The following ASCC3 variants were observed in gnomAD, a reference collection of about 807,000 sequenced individuals.
ASCC3 encodes the protein ASC-1 complex subunit P200.
In ASCC3, 158 loss-of-function variants were observed where a neutral mutation model predicts 256.3. The ratio of observed to expected loss-of-function variants is 0.62; its 90% CI spans 0.54 to 0.70. The LOEUF (loss-of-function observed/expected upper bound fraction) is 0.70, where lower values mean the gene tolerates loss of function less well. Ranked by LOEUF, ASCC3 falls within the 30% of genes least tolerant of loss-of-function variation. The pLI is 0.00. For missense variants in ASCC3, 2,259 were observed against 2,626.0 expected, an observed-to-expected ratio of 0.86 and a Z score of 3.05; for synonymous variants, 948 against 883.4, an observed-to-expected ratio of 1.07 and a Z score of -1.30.
rs1294880863 is a variant in ASCC3, at chr6:100,848,600, G to C, written c.349C>G (p.Gln117Glu). ...GATGAAGGAAAGGGGCCAAACATCTGTTTGATAGCCTTTGTTTCCTTGTGA... is the reference window on the plus strand; with the variant it reads ...GATGAAGGAAAGGGGCCAAACATCTCTTTGATAGCCTTTGTTTCCTTGTGA... Reference protein sequence around the residue: ...VGHKETKAIKQMFGPFPSSSA... With the variant: ...VGHKETKAIKEMFGPFPSSSA... Residue 117 changes from glutamine (Q) to glutamate (E), a missense_variant, in exon 4 of 42, where the codon CAG becomes GAG. Physicochemically the swap from Gln to Glu is conservative, Grantham distance 29 (BLOSUM62 2). Around this residue, in one of 2 missense-constraint regions of ASCC3, gnomAD observed 420 missense variants for 419.3 expected, o/e 1.00. Transcript: ENST00000369162. 1 of 1,614,132 alleles carries C rather than the reference G, an allele frequency of 6.2e-7. No homozygotes were observed. Among genetic ancestry groups the C allele is most frequent in the East Asian group, 2.2e-5 (1 of 44,868 alleles).
chr6:100,686,414 T>G (rs1033952427), intron 13 of ASCC3, among the ~76,000 whole-genome samples: 2 of 152,164 alleles, frequency 1.3e-5, no homozygotes, highest in African/African-American at 4.8e-5. Context: ...CCTTTGAGAG[T>G]TTATGCACAT....
At chr6:100,786,833 C>G (rs1187865383) in intron 8 of ASCC3, among the ~76,000 whole-genome samples, 1 of 152,138 alleles carries the variant, frequency 6.6e-6, no homozygotes, top group Non-Finnish European at 1.5e-5. Context: ...CAGAGGCATA[C>G]TTATACATAC....
intron 8 of ASCC3, among the ~76,000 whole-genome samples, chr6:100,772,037 G>C (rs1044836271): frequency 6.6e-6 from 1 of 151,748 alleles, no homozygotes; most frequent in Non-Finnish European, 1.5e-5. Context: ...CAGCCACCAG[G>C]CATGGCTAAT....
chr6:100,772,175 C>G (rs970994312), intron 8 of ASCC3, among the ~76,000 whole-genome samples: 1 of 152,148 alleles, frequency 6.6e-6, no homozygotes, highest in South Asian at 2.1e-4. Context: ...GCCACCGCAC[C>G]TAGCCCAATC....
chr6:100,828,605 C>T, intron 4 of ASCC3, among the ~76,000 whole-genome samples: 1 of 152,254 alleles, frequency 6.6e-6, no homozygotes, highest in South Asian at 2.1e-4. Flanking sequence ...TGTGGTCTCA[C>T]TGGCTCAGGA....
intron 5 of ASCC3, among the ~76,000 whole-genome samples, chr6:100,804,581 C>T (rs1284935446): frequency 6.6e-6 from 1 of 151,930 alleles, no homozygotes; most frequent in Admixed American, 6.6e-5. Flanking sequence ...AAACAAATAA[C>T]CACATTAAAA....
intron 36 of ASCC3, among the ~76,000 whole-genome samples, chr6:100,578,637 T>C (rs1215621218): frequency 6.6e-6 from 1 of 152,148 alleles, no homozygotes; most frequent in Non-Finnish European, 1.5e-5. Flanking sequence ...ATGGTGTATA[T>C]GTACCACATT....
intron 36 of ASCC3, among the ~76,000 whole-genome samples, chr6:100,545,357 T>C (rs890119330): frequency 6.6e-6 from 1 of 152,164 alleles, no homozygotes; most frequent in Non-Finnish European, 1.5e-5. Flanking sequence ...TTTTCATTTT[T>C]AGTAGAGACG....
intron 4 of ASCC3, among the ~76,000 whole-genome samples, chr6:100,815,905 G>A (rs1382947861): frequency 6.6e-6 from 1 of 152,030 alleles, no homozygotes; most frequent in Non-Finnish European, 1.5e-5. Context: ...TGCAAAAATT[G>A]ATAAATGGGA....
At chr6:100,601,031 T>A (rs1772580878) in intron 34 of ASCC3, among the ~76,000 whole-genome samples, 1 of 152,056 alleles carries the variant, frequency 6.6e-6, no homozygotes, top group African/African-American at 2.4e-5. Context: ...TTAAACTTTT[T>A]CATATTCTCT....
At chr6:100,732,854 C>A (rs184015934) in intron 10 of ASCC3, among the ~76,000 whole-genome samples, 54 of 151,926 alleles carry the variant, frequency 3.6e-4, no homozygotes, top group African/African-American at 1.2e-3. Flanking sequence ...AATATAGCAC[C>A]AGTAGTGTAG....
At chr6:100,763,962 A>T (rs1051913858) in intron 10 of ASCC3, among the ~76,000 whole-genome samples, 1 of 151,884 alleles carries the variant, frequency 6.6e-6, no homozygotes, top group African/African-American at 2.4e-5. Flanking sequence ...GTCTAAGTAG[A>T]TTTTTTTGGT....
intron 8 of ASCC3, among the ~76,000 whole-genome samples, chr6:100,794,532 C>T (rs1481640807): frequency 1.3e-5 from 2 of 152,040 alleles, no homozygotes; most frequent in African/African-American, 4.8e-5. Context: ...CAACATAACC[C>T]AACTGTACCA....
intron 1 of ASCC3, among the ~76,000 whole-genome samples, chr6:100,877,679 G>A (rs1357364322): frequency 6.6e-6 from 1 of 152,040 alleles, no homozygotes; most frequent in African/African-American, 2.4e-5. Context: ...ACCAAACACT[G>A]TAGGCCAAAA....
chr6:100,828,015 CTT>C (rs1363693901), intron 4 of ASCC3, among the ~76,000 whole-genome samples: 1 of 146,088 alleles, frequency 6.8e-6, no homozygotes, highest in Non-Finnish European at 1.5e-5. Context: ...TCCTTTCAAA[CTT>C]ATTTCTCATA....
chr6:100,589,316 A>G (rs761065186), intron 36 of ASCC3, among the ~76,000 whole-genome samples: 6 of 152,148 alleles, frequency 3.9e-5, no homozygotes, highest in Admixed American at 1.3e-4. Context: ...GCTTTCAATC[A>G]TAATTCAAAG....
chr6:100,769,627 A>G (rs987728970), intron 8 of ASCC3, among the ~76,000 whole-genome samples: 1 of 151,888 alleles, frequency 6.6e-6, no homozygotes, highest in Non-Finnish European at 1.5e-5. Context: ...GGAAATAATT[A>G]TAAAGATCAA....
intron 36 of ASCC3, among the ~76,000 whole-genome samples, chr6:100,543,337 C>T (rs771233550): frequency 1.1e-4 from 16 of 152,002 alleles, no homozygotes; most frequent in Non-Finnish European, 1.6e-4. Context: ...TGAATATTTT[C>T]GATCTGCAAT....
intron 40 of ASCC3, among the ~76,000 whole-genome samples, chr6:100,510,690 G>A (rs939282054): frequency 1.4e-4 from 22 of 152,212 alleles, no homozygotes; most frequent in Non-Finnish European, 3.1e-4. Flanking sequence ...TGAGGAATGG[G>A]CAATTTTAAG....
Sources: allele counts gnomAD v4.1 joint callset (sites outside exome capture counted in the v4.1 genomes callset), GRCh38; gene constraint gnomAD v4.1.1; regional missense constraint gnomAD v4.1.1; transcripts MANE v1.5; gene names NCBI Gene and HGNC (gene_info 2026-07-23, HGNC 2026-07-21).